Variants in KIF15 observed in about 807,000 individuals in gnomAD.
The protein encoded by KIF15 is kinesin-like protein KIF15.
A neutral mutation model predicts 190.6 loss-of-function variants in KIF15; 140 were observed. That is an observed-to-expected ratio of 0.73 (90% confidence interval 0.64 to 0.84). KIF15 has a LOEUF of 0.84. Ranked by LOEUF, KIF15 falls within the 40% of genes least tolerant of loss-of-function variation. KIF15 has a pLI of 0.00. For missense variants in KIF15, 1,372 were observed against 1,584.4 expected, an observed-to-expected ratio of 0.87 and a Z score of 2.28; for synonymous variants, 528 against 551.3, an observed-to-expected ratio of 0.96 and a Z score of 0.59.
intron 16 of KIF15, among the ~76,000 whole-genome samples, chr3:44,807,602 G>GCAATCAGTGTCACCAAGT (rs1358511570): frequency 1.2e-4 from 19 of 152,102 alleles, no homozygotes; most frequent in African/African-American, 4.6e-4. Context: ...AGAACTGGAG[G>GCAATCAGTGTCACCAAGT]CAATCAGTGT....
At chr3:44,826,507 A>T in intron 22 of KIF15, 47 bp downstream of exon 22, 1 of 1,262,724 alleles carries the variant, frequency 7.9e-7, no homozygotes, top group South Asian at 1.3e-5. Flanking sequence ...ATATTGTTTA[A>T]TACCACATTC....
At chr3:44,773,485 C>G (rs1014609878) in intron 1 of KIF15, among the ~76,000 whole-genome samples, 1 of 152,180 alleles carries the variant, frequency 6.6e-6, no homozygotes, top group Non-Finnish European at 1.5e-5. Flanking sequence ...GTCCATCCTA[C>G]GCATGAGCCT....
At chr3:44,858,149 A>G (rs1354650741), downstream of KIF15, among the ~76,000 whole-genome samples, 8 of 152,212 alleles carry the variant, frequency 5.3e-5, no homozygotes, top group Non-Finnish European at 1.0e-4. Context: ...GAATAGTGAA[A>G]AAAGCATCTT....
At chr3:44,821,747 C>T (rs1435133015) in intron 20 of KIF15, among the ~76,000 whole-genome samples, 3 of 151,714 alleles carry the variant, frequency 2.0e-5, no homozygotes, top group Admixed American at 6.6e-5. Context: ...GCTGCAGTCT[C>T]GGCACTTTGG....
chr3:44,761,903 C>T lies in KIF15; in HGVS notation c.19+19C>T, dbSNP rs1193124564. ...TGCAAAAGTAAGTCTGGGCCCCCGG[C>T]TTCGTTACCCTATTTTTGCCCCCAA... On this transcript the variant is annotated intron_variant, in intron 1 of 34. Coordinates refer to ENST00000326047, the MANE Select transcript of KIF15 (RefSeq NM_020242.3). 6.2e-7 allele frequency: 1 copy of T among 1,614,180 alleles called. No individual in the cohort carries two copies. Among genetic ancestry groups the T allele is most frequent in the East Asian group, 2.2e-5 (1 of 44,892 alleles).
chr3:44,776,445 G>C (rs1705896797), intron 3 of KIF15, among the ~76,000 whole-genome samples: 1 of 151,666 alleles, frequency 6.6e-6, no homozygotes, highest in Non-Finnish European at 1.5e-5. Context: ...AAAAAGATCT[G>C]TGATGTTCAT....
At chr3:44,768,892 A>G (rs1207207067) in intron 1 of KIF15, among the ~76,000 whole-genome samples, 1 of 152,228 alleles carries the variant, frequency 6.6e-6, no homozygotes, top group Non-Finnish European at 1.5e-5. Context: ...ACATGTATCA[A>G]AACAAAACAA....
chr3:44,801,641 G>T, intron 12 of KIF15, 115 bp downstream of exon 12: 1 of 955,850 alleles, frequency 1.0e-6, no homozygotes, highest in South Asian at 1.6e-5. Context: ...GTAATGGAAG[G>T]CTATGAAAAA....
chr3:44,852,090 A>T, intron 33 of KIF15, 118 bp from the exon 34 acceptor site: 3 of 1,440,032 alleles, frequency 2.1e-6, no homozygotes, highest in Non-Finnish European at 2.8e-6. Context: ...AGGCCTTGAA[A>T]GCTGGGATTC....
At position 44,827,454 on chromosome 3, in the gene KIF15, T is replaced by C. The variant is rs1697728811; in HGVS notation, c.2787-5T>C. On this transcript the variant is annotated splice_region_variant and splice_polypyrimidine_tract_variant and intron_variant, in intron 22 of 34. Coordinates refer to ENST00000326047, the MANE Select transcript of KIF15 (RefSeq NM_020242.3). ...CAGGGGTAAAAGATAATTATTCTCTTCCAGAGAAATCTTAAAAGTTCTTGA... is the reference window on the plus strand; with the variant it reads ...CAGGGGTAAAAGATAATTATTCTCTCCCAGAGAAATCTTAAAAGTTCTTGA... The C allele has an allele frequency of 6.3e-7, 1 of 1,599,504 alleles. No individual in the cohort carries two copies. Among genetic ancestry groups the C allele is most frequent in the Admixed American group, 1.7e-5 (1 of 59,688 alleles).
intron 3 of KIF15, among the ~76,000 whole-genome samples, chr3:44,776,552 G>A (rs1237363764): frequency 6.6e-6 from 1 of 152,166 alleles, no homozygotes; most frequent in Non-Finnish European, 1.5e-5. Flanking sequence ...TATTAAAAGT[G>A]TGGCTCATGC....
chr3:44,835,332 TG>T (rs1698259401), intron 26 of KIF15, among the ~76,000 whole-genome samples: 1 of 152,140 alleles, frequency 6.6e-6, no homozygotes, highest in Admixed American at 6.6e-5. Context: ...CTTGAACTCC[TG>T]GGCTTAAGTG....
At chr3:44,839,997 G>A (rs1215800837) in intron 27 of KIF15, among the ~76,000 whole-genome samples, 4 of 152,144 alleles carry the variant, frequency 2.6e-5, no homozygotes. Context: ...TGGGAGTGCC[G>A]CTGTCTCTTC....
chr3:44,791,392 A>G (rs1451652897), intron 7 of KIF15, among the ~76,000 whole-genome samples: 1 of 152,196 alleles, frequency 6.6e-6, no homozygotes, highest in Non-Finnish European at 1.5e-5. Flanking sequence ...TAGATCAGGT[A>G]GGGTAAGTCC....
intron 4 of KIF15, among the ~76,000 whole-genome samples, chr3:44,779,918 C>T (rs1432194223): frequency 1.3e-5 from 2 of 149,560 alleles, no homozygotes; most frequent in African/African-American, 2.5e-5. Flanking sequence ...TCCCTCTTTT[C>T]TTCCAGAAGA....
At position 44,790,109 on chromosome 3, in the gene KIF15, G is replaced by A. The variant is rs868576043; in HGVS notation, c.639+3535G>A. ...TCAGAAACAAACAATAACAAATATG[G>A]CGGGCTCACTGAGTACTTTCATACT... On this transcript the variant is annotated intron_variant, in intron 7 of 34. Transcript: ENST00000326047. 3.3e-5 allele frequency among the ~76,000 whole-genome samples: 5 copies of A among 152,198 alleles called. No individual in the cohort carries two copies. In the South Asian group the frequency reaches 1.0e-3, roughly 32 times the overall value.
intron 6 of KIF15, chr3:44,864,146 G>A (rs1487956081): frequency 3.1e-6 from 5 of 1,609,712 alleles, no homozygotes; most frequent in Non-Finnish European, 2.5e-6. Context: ...GAGGGGGTCT[G>A]CAGGTTGCTG....
At position 44,814,957 on chromosome 3, in the gene KIF15, T is replaced by C. The variant is rs751408379; in HGVS notation, c.2430T>C (p.Ala810=). 1 of 1,612,304 alleles carries C rather than the reference T, an allele frequency of 6.2e-7. No homozygotes were observed. The highest frequency in any genetic ancestry group is 1.3e-5 in the African/African-American group (1 of 74,806). ...ACCTGCGAGTAGTCCTTCATTCTGC[T>C]GACAAGGAGCTTTCTTCAGTGAAAT... The part of the protein sequence containing the change: ...VHDLRVVLHS[A]DKELSSVKLE... The change falls in exon 20 of 35, where the codon GCT becomes GCC. Residue 810 remains alanine (A), a synonymous_variant. Coordinates refer to ENST00000326047, the MANE Select transcript of KIF15 (RefSeq NM_020242.3).
At chr3:44,865,131 A>C (rs769847857) in intron 6 of KIF15, 2 of 1,614,002 alleles carry the variant, frequency 1.2e-6, no homozygotes, top group Non-Finnish European at 1.7e-6. Context: ...ACCCTAATCC[A>C]CAGGAAGCTC....
Sources: gnomAD v4.1 joint callset for allele counts (sites outside exome capture counted in the v4.1 genomes callset) on GRCh38, gnomAD v4.1.1 for gene constraint, MANE v1.5 for transcripts, NCBI Gene and HGNC (gene_info 2026-07-23, HGNC 2026-07-21) for gene names.